Variants in SMYD3 observed in about 807,000 individuals in gnomAD.
SMYD3 encodes histone-lysine N-methyltransferase SMYD3.
A neutral mutation model predicts 57.7 loss-of-function variants in SMYD3; 36 were observed. The ratio of observed to expected loss-of-function variants is 0.62; its 90% CI spans 0.48 to 0.82. The LOEUF (loss-of-function observed/expected upper bound fraction) is 0.82. SMYD3 is among the 40% of genes least tolerant of loss of function. The pLI is 0.00. For missense variants in SMYD3, 515 were observed against 538.8 expected (o/e 0.96, Z 0.44); for synonymous variants, 211 against 195.0 (o/e 1.08, Z -0.68).
At chr1:246,501,929 C>T (rs563558844) in intron 1 of SMYD3, among the ~76,000 whole-genome samples, 3 of 152,286 alleles carry the variant, frequency 2.0e-5, no homozygotes, top group East Asian at 1.9e-4. Flanking sequence ...ACTTCCCTAG[C>T]GGTCCTTAAA....
At chr1:245,951,320 C>CTCACGCCTGTCATCCCA (rs2057633121) in intron 5 of SMYD3, among the ~76,000 whole-genome samples, 1 of 142,272 alleles carries the variant, frequency 7.0e-6, no homozygotes, top group Non-Finnish European at 1.5e-5. Flanking sequence ...CTCGTCGTGG[C>CTCACGCCTGTCATCCCA]TCACTTTGGG....
In SMYD3 at chr1:245,767,358, T is replaced by C. The variant is rs147707779; in HGVS notation, c.1077-3209A>G. Among the ~76,000 whole-genome samples, 544 of 152,158 alleles carry C rather than the reference T, an allele frequency of 3.6e-3. 7 individuals carry two copies. The highest frequency in any genetic ancestry group is 0.012 in the African/African-American group (504 of 41,522). On this transcript the variant is annotated intron_variant, in intron 10 of 11. Transcript: ENST00000490107. ...ATTCCGGGTCCGGCCCCATAAGCAA[T>C]CTGCAGAAGTCCAAAGTGAGTCCCT...
chr1:246,174,485 C>T (rs1175781739), intron 5 of SMYD3, among the ~76,000 whole-genome samples: 2 of 152,182 alleles, frequency 1.3e-5, no homozygotes, highest in Admixed American at 1.3e-4. Context: ...CTGGCCCTGT[C>T]GCCCAGGTTG....
intron 5 of SMYD3, among the ~76,000 whole-genome samples, chr1:245,997,326 A>C (rs2058950637): frequency 6.6e-6 from 1 of 152,252 alleles, no homozygotes; most frequent in African/African-American, 2.4e-5. Flanking sequence ...CTTCATTGTG[A>C]AATCAGAAGT....
chr1:246,085,453 C>T (rs1464216367), intron 5 of SMYD3, among the ~76,000 whole-genome samples: 1 of 152,074 alleles, frequency 6.6e-6, no homozygotes, highest in Non-Finnish European at 1.5e-5. Context: ...AAAATCTTTC[C>T]TACGTTTTAT....
At chr1:245,884,771 G>A (rs992832504) in intron 8 of SMYD3, among the ~76,000 whole-genome samples, 2 of 34,890 alleles carry the variant, frequency 5.7e-5, no homozygotes, top group Non-Finnish European at 1.4e-4. Flanking sequence ...AGCGCTCTGT[G>A]TCTAGCTAAA....
chr1:245,780,645 A>G (rs2046792172), intron 10 of SMYD3, among the ~76,000 whole-genome samples: 1 of 152,190 alleles, frequency 6.6e-6, no homozygotes, highest in African/African-American at 2.4e-5. Flanking sequence ...ATGCTAAAAA[A>G]CCCACTGAAA....
chr1:246,037,827 G>A (rs1201888989), intron 5 of SMYD3, among the ~76,000 whole-genome samples: 1 of 152,154 alleles, frequency 6.6e-6, no homozygotes, highest in Admixed American at 6.5e-5. Flanking sequence ...TTTTCTACTG[G>A]TTTGTTGGTC....
At chr1:245,781,449 G>A (rs2148138880) in intron 10 of SMYD3, among the ~76,000 whole-genome samples, 1 of 152,256 alleles carries the variant, frequency 6.6e-6, no homozygotes, top group East Asian at 1.9e-4. Context: ...TAACTATAAA[G>A]TATAGTACTG....
chr1:246,039,288 C>T (rs576320530), intron 5 of SMYD3, among the ~76,000 whole-genome samples: 1 of 152,304 alleles, frequency 6.6e-6, no homozygotes, highest in Admixed American at 6.5e-5. Flanking sequence ...ATGCCCTCAT[C>T]CCCATATACA....
Position 246,185,894 on chromosome 1 carries a change from T to C in SMYD3, c.531+141307A>G, listed in dbSNP as rs562057639. On this transcript the variant is annotated intron_variant, in intron 5 of 11. Transcript: ENST00000490107. ...ATAACATACTTTAGTTCCTTGATTC[T>C]ATGCCAATTCACCTAAATATTAACA... 1.1e-4 allele frequency among the ~76,000 whole-genome samples: 16 copies of C among 152,354 alleles called. 1 individual carries two copies. In the South Asian group the frequency reaches 3.1e-3, roughly 30 times the overall value.
intron 1 of SMYD3, among the ~76,000 whole-genome samples, chr1:246,432,440 T>C (rs2067310735): frequency 6.6e-6 from 1 of 152,182 alleles, no homozygotes; most frequent in African/African-American, 2.4e-5. Context: ...TAAAAGTTAA[T>C]TAGAGGGCAC....
At chr1:245,953,560 T>C (rs1004745693) in intron 5 of SMYD3, among the ~76,000 whole-genome samples, 1 of 152,118 alleles carries the variant, frequency 6.6e-6, no homozygotes, top group African/African-American at 2.4e-5. Context: ...GCTGGGATTA[T>C]AGGCGCCTGA....
At chr1:246,255,637 C>G (rs987383228) in intron 5 of SMYD3, among the ~76,000 whole-genome samples, 1 of 151,744 alleles carries the variant, frequency 6.6e-6, no homozygotes, top group African/African-American at 2.4e-5. Context: ...TTGTCATTTT[C>G]TTTTTTGTTA....
At chr1:246,463,960 G>A (rs1200583065) in intron 1 of SMYD3, among the ~76,000 whole-genome samples, 1 of 151,954 alleles carries the variant, frequency 6.6e-6, no homozygotes, top group Non-Finnish European at 1.5e-5. Flanking sequence ...GAGGCATATG[G>A]ACGGAAAAGA....
intron 10 of SMYD3, among the ~76,000 whole-genome samples, chr1:245,775,154 C>G (rs530815222): frequency 1.3e-5 from 2 of 152,194 alleles, no homozygotes; most frequent in East Asian, 3.9e-4. Context: ...CTCCGCCCGG[C>G]AGCCGCCCCC....
In SMYD3 at chr1:246,423,165, C is replaced by T. The variant is rs781733096; in HGVS notation, c.165-68071G>A. 5.9e-5 allele frequency among the ~76,000 whole-genome samples: 9 copies of T among 151,670 alleles called. No individual in the cohort carries two copies. In the South Asian group the frequency reaches 8.3e-4, roughly 14 times the overall value. Reference sequence around the variant, plus strand: ...TACAAAAATTAGCCGGGCATGGTGGCGCATGCCTATAATCCCAGCTACTCA... The same window carrying T: ...TACAAAAATTAGCCGGGCATGGTGGTGCATGCCTATAATCCCAGCTACTCA... On this transcript the variant is annotated intron_variant, in intron 1 of 11. Coordinates refer to ENST00000490107, the MANE Select transcript of SMYD3 (RefSeq NM_001167740.2).
At chr1:246,181,670 T>C (rs2062553503) in intron 5 of SMYD3, among the ~76,000 whole-genome samples, 1 of 151,448 alleles carries the variant, frequency 6.6e-6, no homozygotes, top group East Asian at 1.9e-4. Context: ...TACTGAATTA[T>C]GAAACAGACA....
At chr1:246,143,483 G>A (rs2061794486) in intron 5 of SMYD3, among the ~76,000 whole-genome samples, 1 of 152,078 alleles carries the variant, frequency 6.6e-6, no homozygotes, top group Admixed American at 6.5e-5. Flanking sequence ...CCGGGGCAAT[G>A]TGGCAAAATC....
Sources: allele counts gnomAD v4.1 joint callset (sites outside exome capture counted in the v4.1 genomes callset), GRCh38; gene constraint gnomAD v4.1.1; transcripts MANE v1.5; gene names NCBI Gene and HGNC (gene_info 2026-07-23, HGNC 2026-07-21).